Variants in IGF2BP3 observed in about 807,000 individuals in gnomAD.
IGF2BP3 encodes the protein insulin like growth factor 2 mRNA binding protein 3, also known as insulin-like growth factor 2 mRNA-binding protein 3.
A neutral mutation model predicts 73.8 loss-of-function variants in IGF2BP3; 9 were observed. The ratio of observed to expected loss-of-function variants is 0.12; its 90% CI spans 0.07 to 0.21. The LOEUF (loss-of-function observed/expected upper bound fraction) is 0.21, where lower values mean the gene tolerates loss of function less well. Among genes scored for constraint, IGF2BP3 ranks in the 10% least tolerant of loss-of-function variants. The pLI, the probability that IGF2BP3 is intolerant of heterozygous loss-of-function variation, is 1.00. For missense variants in IGF2BP3, 542 were observed against 714.0 expected (o/e 0.76, Z 2.75); for synonymous variants, 258 against 256.7 (o/e 1.01, Z -0.05).
chr7:23,395,518 T>C (rs1786424006), intron 3 of IGF2BP3, among the ~76,000 whole-genome samples: 1 of 152,104 alleles, frequency 6.6e-6, no homozygotes, highest in African/African-American at 2.4e-5. Context: ...TCCCAGCACT[T>C]TGGGAGGCTG....
At chr7:23,328,706 A>G (rs1425966287) in intron 10 of IGF2BP3, among the ~76,000 whole-genome samples, 1 of 152,224 alleles carries the variant, frequency 6.6e-6, no homozygotes, top group Admixed American at 6.5e-5. Flanking sequence ...AAGGTTAATC[A>G]CAAAAACTTA....
chr7:23,313,103 A>G (rs1352472855), intron 13 of IGF2BP3, among the ~76,000 whole-genome samples: 1 of 152,234 alleles, frequency 6.6e-6, no homozygotes, highest in Non-Finnish European at 1.5e-5. Flanking sequence ...AAGTGTATGT[A>G]CTCAATCACT....
At chr7:23,325,195 C>T (rs1392210158) in intron 10 of IGF2BP3, among the ~76,000 whole-genome samples, 4 of 152,264 alleles carry the variant, frequency 2.6e-5, no homozygotes, top group Non-Finnish European at 4.4e-5. Context: ...CCCAAAATCT[C>T]CTTAAGCTGA....
intron 5 of IGF2BP3, among the ~76,000 whole-genome samples, chr7:23,356,233 A>C (rs945122810): frequency 6.6e-6 from 1 of 152,164 alleles, no homozygotes; most frequent in African/African-American, 2.4e-5. Flanking sequence ...TAAAACTAAA[A>C]GATTAGATTC....
intron 2 of IGF2BP3, among the ~76,000 whole-genome samples, chr7:23,423,367 A>C (rs1787405340): frequency 6.6e-6 from 1 of 152,232 alleles, no homozygotes; most frequent in Non-Finnish European, 1.5e-5. Flanking sequence ...AGATTTGAGA[A>C]TGAGTTTATA....
At chr7:23,468,401 G>A (rs1788619867) in intron 2 of IGF2BP3, 81 bp downstream of exon 2, 2 of 1,428,088 alleles carry the variant, frequency 1.4e-6, no homozygotes, top group African/African-American at 1.4e-5. Context: ...AAGCACCAGA[G>A]GACAAGAAGT....
chr7:23,401,187 G>T (rs1786650975), intron 3 of IGF2BP3, among the ~76,000 whole-genome samples: 1 of 152,092 alleles, frequency 6.6e-6, no homozygotes, highest in Non-Finnish European at 1.5e-5. Context: ...TAAAAGTAAG[G>T]ACACCATCCA....
intron 2 of IGF2BP3, among the ~76,000 whole-genome samples, chr7:23,450,397 G>A (rs1434341467): frequency 6.6e-6 from 1 of 152,158 alleles, no homozygotes; most frequent in Non-Finnish European, 1.5e-5. Flanking sequence ...GGAATAAAAT[G>A]AGTCTGTCAC....
chr7:23,368,343 A>AAAAGAAAGAAAGAAAGAAAGAAAG (rs58687904), intron 3 of IGF2BP3, among the ~76,000 whole-genome samples: 110 of 138,024 alleles, frequency 8.0e-4, no homozygotes, highest in East Asian at 1.7e-3. Context: ...AAGAAAGAAA[A>AAAAGAAAGAAAGAAAGAAAGAAAG]AAAGAAAGAA....
chr7:23,379,060 T>A (rs1785824250), intron 3 of IGF2BP3, among the ~76,000 whole-genome samples: 1 of 152,220 alleles, frequency 6.6e-6, no homozygotes. Flanking sequence ...AGCGGACTAG[T>A]GGAGTCCCTC....
intron 3 of IGF2BP3, among the ~76,000 whole-genome samples, chr7:23,407,868 C>A (rs988077493): frequency 2.2e-5 from 3 of 134,994 alleles, no homozygotes; most frequent in Admixed American, 9.0e-5. Flanking sequence ...CAAATTAAAC[C>A]AAGCAAAAAG....
intron 5 of IGF2BP3, among the ~76,000 whole-genome samples, chr7:23,360,088 T>C (rs776987490): frequency 6.0e-5 from 9 of 151,116 alleles, no homozygotes; most frequent in Non-Finnish European, 1.0e-4. Context: ...TTGGCAAAGT[T>C]TGATAAAGTC....
intron 2 of IGF2BP3, among the ~76,000 whole-genome samples, chr7:23,447,642 C>T (rs188969754): frequency 6.6e-6 from 1 of 151,518 alleles, no homozygotes; most frequent in Non-Finnish European, 1.5e-5. Flanking sequence ...ACAACAACAA[C>T]AAAAAAATGA....
At chr7:23,440,873 A>G (rs962483562) in intron 2 of IGF2BP3, among the ~76,000 whole-genome samples, 1 of 152,236 alleles carries the variant, frequency 6.6e-6, no homozygotes, top group Non-Finnish European at 1.5e-5. Flanking sequence ...CCTTGAACAT[A>G]AGAATACAAT....
chr7:23,335,073 TAAAAAAAA>T (rs5882898), intron 10 of IGF2BP3, among the ~76,000 whole-genome samples: 1 of 69,196 alleles, frequency 1.4e-5, no homozygotes, highest in African/African-American at 5.8e-5. Context: ...TCTTTAACAT[TAAAAAAAA>T]AAAAAAAAAA....
intron 2 of IGF2BP3, among the ~76,000 whole-genome samples, chr7:23,460,458 G>A (rs1397341860): frequency 6.6e-6 from 1 of 151,810 alleles, no homozygotes; most frequent in Non-Finnish European, 1.5e-5. Flanking sequence ...CTTGAACTCA[G>A]GAGGCAGAGG....
chr7:23,316,325 G>C (rs1361574134), intron 12 of IGF2BP3, among the ~76,000 whole-genome samples: 1 of 152,080 alleles, frequency 6.6e-6, no homozygotes, highest in African/African-American at 2.4e-5. Context: ...AGGGAGAGAG[G>C]TGGGGTGGGG....
chr7:23,383,900 T>C (rs1030996966), intron 3 of IGF2BP3, among the ~76,000 whole-genome samples: 3 of 151,670 alleles, frequency 2.0e-5, no homozygotes, highest in African/African-American at 7.3e-5. Flanking sequence ...ATCGAGACCA[T>C]CCTGGCTAAC....
chr7:23,423,717 C>T (rs1180479321), intron 2 of IGF2BP3, among the ~76,000 whole-genome samples: 2 of 151,980 alleles, frequency 1.3e-5, no homozygotes, highest in African/African-American at 4.8e-5. Context: ...CAAATGATTT[C>T]CTTATAGCTT....
Sources: allele counts gnomAD v4.1 joint callset (sites outside exome capture counted in the v4.1 genomes callset), GRCh38; gene constraint gnomAD v4.1.1; transcripts MANE v1.5; gene names NCBI Gene and HGNC (gene_info 2026-07-23, HGNC 2026-07-21).